The following EYS variants were observed in gnomAD, a reference collection of about 807,000 sequenced individuals.
The protein encoded by EYS is protein eyes shut homolog.
Under a neutral mutation model 282.1 loss-of-function variants are expected in EYS, and 250 were observed. The ratio of observed to expected loss-of-function variants is 0.89; its 90% CI spans 0.80 to 0.98. EYS has a LOEUF of 0.98. Among genes scored for constraint, EYS ranks in the 50% least tolerant of loss-of-function variants. The pLI is 0.00. For missense variants in EYS, 4,016 were observed against 3,709.0 expected (o/e 1.08, Z -2.15); for synonymous variants, 1,355 against 1,282.9 (o/e 1.06, Z -1.20).
At chr6:65,675,876 A>G (rs1480051263) in intron 1 of EYS, among the ~76,000 whole-genome samples, 1 of 152,032 alleles carries the variant, frequency 6.6e-6, no homozygotes, top group East Asian at 1.9e-4. Flanking sequence ...ATTTAAAACG[A>G]TTGAAATCAC....
chr6:65,270,749 C>T (rs192637667), intron 12 of EYS, among the ~76,000 whole-genome samples: 61 of 152,126 alleles, frequency 4.0e-4, no homozygotes, highest in African/African-American at 9.2e-4. Flanking sequence ...ACAACTAGAA[C>T]ATAAATAAAA....
chr6:64,755,153 A>T (rs949576668), intron 22 of EYS, among the ~76,000 whole-genome samples: 1 of 152,274 alleles, frequency 6.6e-6, no homozygotes, highest in Admixed American at 6.5e-5. Flanking sequence ...AATAACAAAC[A>T]AGTTGAGAAC....
chr6:64,590,833 C>T lies in EYS; in HGVS notation c.5034G>A (p.Leu1678=). Residue 1678 remains leucine (L), a synonymous_variant, in exon 26 of 43, where the codon TTG becomes TTA. Coordinates refer to ENST00000503581, the MANE Select transcript of EYS (RefSeq NM_001142800.2). The part of the protein sequence containing the change: ...IVPSQTISSD[L]MNSDLTSKMT... ...TTTTTGAAGTCAAATCAGAATTCATCAAGTCTGAAGAGATAGTTTGTGAAG... is the reference window on the plus strand; with the variant it reads ...TTTTTGAAGTCAAATCAGAATTCATTAAGTCTGAAGAGATAGTTTGTGAAG... 1 of 1,549,946 alleles carries T rather than the reference C, an allele frequency of 6.5e-7. No homozygotes were observed. The highest frequency in any genetic ancestry group is 8.7e-7 in the Non-Finnish European group (1 of 1,146,018).
chr6:64,479,792 G>A (rs1191508309), intron 26 of EYS, among the ~76,000 whole-genome samples: 1 of 151,858 alleles, frequency 6.6e-6, no homozygotes, highest in Non-Finnish European at 1.5e-5. Context: ...AACTGGAGTA[G>A]CAAAAAACAC....
chr6:64,676,347 T>G (rs562795932), intron 22 of EYS, among the ~76,000 whole-genome samples: 13 of 140,852 alleles, frequency 9.2e-5, no homozygotes, highest in African/African-American at 2.5e-4. Context: ...TCTATATATA[T>G]ATATAGAGAG....
At chr6:63,989,395 T>C (rs1442076147) in intron 34 of EYS, among the ~76,000 whole-genome samples, 1 of 151,658 alleles carries the variant, frequency 6.6e-6, no homozygotes, top group African/African-American at 2.4e-5. Flanking sequence ...TTAAAAATTG[T>C]TTAAGGGAAA....
In EYS at chr6:64,748,715, T is replaced by C. The variant is rs1387888541; in HGVS notation, c.3443+64663A>G. On this transcript the variant is annotated intron_variant, in intron 22 of 42. Coordinates refer to ENST00000503581, the MANE Select transcript of EYS (RefSeq NM_001142800.2). ...TGGGCTTGGGAAGAGGAGATCAAAG[T>C]CTAAAAGAGCAAAAGAATGATAGCA... is the stretch of plus-strand genomic sequence containing the variant. Among the ~76,000 whole-genome samples, 5 of 152,300 alleles carry C rather than the reference T, an allele frequency of 3.3e-5. No homozygotes were observed. In the East Asian group the frequency reaches 7.7e-4, roughly 23 times the overall value.
intron 8 of EYS, among the ~76,000 whole-genome samples, chr6:65,364,159 T>A (rs1562124296): frequency 6.6e-6 from 1 of 151,094 alleles, no homozygotes; most frequent in South Asian, 2.1e-4. Context: ...ATACATCACA[T>A]CATTTGATTT....
At chr6:64,707,391 C>T (rs1452222624) in intron 22 of EYS, among the ~76,000 whole-genome samples, 7 of 151,932 alleles carry the variant, frequency 4.6e-5, no homozygotes, top group Non-Finnish European at 8.8e-5. Flanking sequence ...TATTGGGGGC[C>T]AGGCATGGTG....
intron 13 of EYS, among the ~76,000 whole-genome samples, chr6:65,025,299 T>A (rs1470967319): frequency 6.6e-6 from 1 of 152,118 alleles, no homozygotes; most frequent in African/African-American, 2.4e-5. Flanking sequence ...CAATTGCATA[T>A]CACCCCACTT....
chr6:63,796,574 T>G (rs1330044661), intron 37 of EYS, among the ~76,000 whole-genome samples: 2 of 152,344 alleles, frequency 1.3e-5, no homozygotes. Flanking sequence ...ATTTGTTATT[T>G]CTTCAAACTA....
In EYS at chr6:64,392,425, A is replaced by C. The variant is rs372557870; in HGVS notation, c.5928-3585T>G. ...AAAAGAACAGAAATTATAACAAACT[A>C]TCTCTCAGACCACACTGCAATCAAA... On this transcript the variant is annotated intron_variant, in intron 28 of 42. Coordinates refer to ENST00000503581, the MANE Select transcript of EYS (RefSeq NM_001142800.2). 5.3e-5 allele frequency among the ~76,000 whole-genome samples: 8 copies of C among 150,484 alleles called. No individual in the cohort carries two copies. In the East Asian group the frequency reaches 1.4e-3, roughly 26 times the overall value.
At chr6:64,566,533 A>C (rs1174403552) in intron 26 of EYS, among the ~76,000 whole-genome samples, 4 of 152,194 alleles carry the variant, frequency 2.6e-5, no homozygotes. Context: ...CGCATTTCTT[A>C]CTACAACAGT....
intron 5 of EYS, among the ~76,000 whole-genome samples, chr6:65,486,590 T>C (rs1765792799): frequency 6.6e-6 from 1 of 152,160 alleles, no homozygotes; most frequent in Non-Finnish European, 1.5e-5. Flanking sequence ...TTAATAAGAC[T>C]TCAAAAGTAT....
intron 2 of EYS, among the ~76,000 whole-genome samples, chr6:65,555,216 C>T (rs779261220): frequency 8.5e-5 from 13 of 152,064 alleles, no homozygotes; most frequent in African/African-American, 9.6e-5. Flanking sequence ...ACACTTAAAA[C>T]GACCATGAAA....
intron 7 of EYS, among the ~76,000 whole-genome samples, chr6:65,390,491 G>A (rs910207170): frequency 1.3e-5 from 2 of 151,792 alleles, no homozygotes; most frequent in African/African-American, 4.8e-5. Context: ...TTCACTGCTT[G>A]TGGTACACAA....
chr6:65,494,228 G>T (rs1766146512), intron 4 of EYS, among the ~76,000 whole-genome samples: 1 of 151,432 alleles, frequency 6.6e-6, no homozygotes, highest in Non-Finnish European at 1.5e-5. Context: ...CCAAATCCAA[G>T]GAATCTATTA....
At chr6:64,385,717 C>T (rs1205994602) in intron 29 of EYS, among the ~76,000 whole-genome samples, 1 of 152,220 alleles carries the variant, frequency 6.6e-6, no homozygotes, top group Non-Finnish European at 1.5e-5. Flanking sequence ...TAACAAGCTT[C>T]TAGAAAAATA....
At chr6:64,335,591 C>T (rs540769282) in intron 29 of EYS, among the ~76,000 whole-genome samples, 7 of 152,168 alleles carry the variant, frequency 4.6e-5, no homozygotes, top group African/African-American at 9.6e-5. Context: ...GACGTATGTC[C>T]GGCTGAGCCA....
Sources: allele counts gnomAD v4.1 joint callset (sites outside exome capture counted in the v4.1 genomes callset), GRCh38; gene constraint gnomAD v4.1.1; transcripts MANE v1.5; gene names NCBI Gene and HGNC (gene_info 2026-07-23, HGNC 2026-07-21).